The following IGF2 variants were observed in gnomAD, a reference collection of about 807,000 sequenced individuals.
IGF2 encodes insulin-like growth factor 2.
Under a neutral mutation model 12.0 loss-of-function variants are expected in IGF2, and 2 were observed. The ratio of observed to expected loss-of-function variants is 0.17; its 90% confidence interval spans 0.07 to 0.52. The LOEUF is 0.52. Among genes scored for constraint, IGF2 ranks in the 20% least tolerant of loss-of-function variants. IGF2 has a pLI of 0.95. For synonymous variants in IGF2, 105 were observed against 110.1 expected (o/e 0.95, Z 0.29); for missense variants, 211 against 268.0 (o/e 0.79, Z 1.48).
At chr11:2,139,826 A>G (rs1394246998), upstream of IGF2, among the ~76,000 whole-genome samples, 1 of 151,036 alleles carries the variant, frequency 6.6e-6, no homozygotes, top group Non-Finnish European at 1.5e-5. Context: ...CTGAGTGCAG[A>G]TGCAGGTGGC....
rs1481302269 is a variant in IGF2 at position 2,139,229 on chromosome 11, A to T, written c.-1007T>A. 2.7e-5 allele frequency: 4 copies of T among 149,684 alleles called. No homozygotes were observed. The East Asian group carries it at 8.0e-4, about 30-fold the overall frequency. The allele number at this position is 149,684 out of a possible 1,614,324, so 9.3% of individuals were successfully genotyped here. On this transcript the variant is annotated 5_prime_UTR_variant, in exon 1 of 4. Transcript: ENST00000416167. Reference sequence around the variant, plus strand: ...CCCCGCGGACGGCGCCCGGGACGGGAGTCAGCAGCGAGGCAGCGGGCGGCG... The same window carrying T: ...CCCCGCGGACGGCGCCCGGGACGGGTGTCAGCAGCGAGGCAGCGGGCGGCG...
At chr11:2,140,730 GC>G, upstream of IGF2, 1 of 381,968 alleles carries the variant, frequency 2.6e-6, no homozygotes, top group Non-Finnish European at 4.9e-6. Flanking sequence ...CGTGTCCCGC[GC>G]CCCACGCCGG....
intron 1 of IGF2, among the ~76,000 whole-genome samples, chr11:2,137,864 G>C (rs533699477): frequency 6.6e-6 from 1 of 152,074 alleles, no homozygotes; most frequent in Non-Finnish European, 1.5e-5. Context: ...GCCCCTCCTC[G>C]TTACCCAGCA....
chr11:2,137,215 GC>G, intron 1 of IGF2: 1 of 994,842 alleles, frequency 1.0e-6, no homozygotes, highest in South Asian at 4.5e-5. Context: ...GCTCGCTGGG[GC>G]AGGAGGAGGA....
chr11:2,137,517 A>C (rs1859158060), intron 1 of IGF2, among the ~76,000 whole-genome samples: 1 of 144,962 alleles, frequency 6.9e-6, no homozygotes, highest in Admixed American at 6.9e-5. Context: ...TCATCTCTGC[A>C]CAGGGCAGTG....
chr11:2,147,945 C>A, the IGF2 span: 3 of 511,730 alleles, frequency 5.9e-6, no homozygotes, highest in Non-Finnish European at 9.1e-6. The surrounding 1 kb of genome is among the most constrained non-coding windows in gnomAD (Gnocchi z 7.2). Context: ...ATCTGGGCAG[C>A]GGCTTCCCCC....
chr11:2,141,787 T>G (rs1227946763), upstream of IGF2, among the ~76,000 whole-genome samples: 4 of 152,170 alleles, frequency 2.6e-5, no homozygotes, highest in South Asian at 2.1e-4. Context: ...TGTCTAGATT[T>G]TGGGGGAGCC....
the IGF2 span, chr11:2,147,756 G>C: frequency 3.2e-6 from 4 of 1,249,036 alleles, no homozygotes; most frequent in South Asian, 1.6e-4. This position sits in a 1 kb window ranked among gnomAD's most constrained non-coding sequence, Gnocchi z 7.2. Flanking sequence ...CCTGGGGCTG[G>C]GGGCTGGAAT....
chr11:2,138,526 G>T lies in IGF2; in HGVS notation c.-304C>A. 2.8e-6 allele frequency: 2 copies of T among 726,962 alleles called. No homozygotes were observed. Among genetic ancestry groups the T allele is most frequent in the Non-Finnish European group, 3.3e-6 (2 of 609,452 alleles). 45.0% of individuals were successfully genotyped at this position (726,962 alleles called of 1,614,324 possible). A position where few individuals can be genotyped will look rare whatever the true frequency, so the allele number is the denominator to read the frequency against. On this transcript the variant is annotated 5_prime_UTR_variant, in exon 1 of 4. Transcript: ENST00000416167. ...AGCTGTTGTATCAAGGATAGAGGGG[G>T]GCAGAGATAGTGGGAGAGACAGAGT...
intron 1 of IGF2, among the ~76,000 whole-genome samples, chr11:2,136,609 G>C (rs1859076398): frequency 1.3e-5 from 2 of 152,272 alleles, no homozygotes. Context: ...AGACCCAGGG[G>C]AGTTTTTGAT....
chr11:2,136,263 C>A (rs1004775672), intron 1 of IGF2, among the ~76,000 whole-genome samples: 9 of 151,998 alleles, frequency 5.9e-5, no homozygotes, highest in Non-Finnish European at 4.4e-5. Flanking sequence ...TACCCCCAAA[C>A]ACACACACAC....
At chr11:2,149,403 G>GCTCTCCCATCTGT in the IGF2 span, 3 of 1,450,666 alleles carry the variant, frequency 2.1e-6, no homozygotes, top group Non-Finnish European at 2.9e-6. Flanking sequence ...CTACAGATGG[G>GCTCTCCCATCTGT]AGAGCCTCAT....
In IGF2 at chr11:2,132,904, G is replaced by T; in HGVS notation, c.*83C>A. On this transcript the variant is annotated 3_prime_UTR_variant, in exon 4 of 4. Coordinates refer to ENST00000416167, the MANE Select transcript of IGF2 (RefSeq NM_000612.6). ...GGGACGTGGAACCGAGAGATTTTCG[G>T]GATGGAACCTGATGGAAACGTCCGT... 1 of 974,724 alleles carries T rather than the reference G, an allele frequency of 1.0e-6. No individual in the cohort carries two copies. Among genetic ancestry groups the T allele is most frequent in the Non-Finnish European group, 1.5e-6 (1 of 657,990 alleles). 60.4% of individuals were successfully genotyped at this position (974,724 alleles called of 1,614,324 possible).
upstream of IGF2, chr11:2,140,609 C>T (rs976729333): frequency 1.5e-5 from 8 of 517,176 alleles, no homozygotes; most frequent in Non-Finnish European, 7.1e-6. Flanking sequence ...CTTTGGGACC[C>T]TCCAGCCGCT....
At position 2,129,457 on chromosome 11, in the gene IGF2, C is replaced by T. The variant is rs61745039; in HGVS notation, c.*3530G>A. On this transcript the variant is annotated 3_prime_UTR_variant, in exon 4 of 4. Coordinates refer to ENST00000416167, the MANE Select transcript of IGF2 (RefSeq NM_000612.6). This position sits in a 1 kb window ranked among gnomAD's most constrained non-coding sequence, Gnocchi z 8.1. Reference sequence around the variant, plus strand: ...CAGGGGAGAGCTGCAAACCTGGGGACGCAAGGGGCTGGTCGGCAAGTGCCC... The same window carrying T: ...CAGGGGAGAGCTGCAAACCTGGGGATGCAAGGGGCTGGTCGGCAAGTGCCC... 461 of 229,618 alleles carry T rather than the reference C, an allele frequency of 2.0e-3. 4 individuals carry two copies. Among genetic ancestry groups the T allele is most frequent in the African/African-American group, 9.0e-3 (407 of 45,192 alleles). The allele number at this position is 229,618 out of a possible 1,614,324, so 14.2% of individuals were successfully genotyped here.
upstream of IGF2, chr11:2,140,118 C>G (rs1156791415): frequency 1.2e-6 from 2 of 1,610,402 alleles, no homozygotes; most frequent in Admixed American, 1.7e-5. Context: ...GGGCGGGAAA[C>G]ACAGCTCAAA....
chr11:2,138,163 G>A, intron 1 of IGF2, 66 bp downstream of exon 1: 1 of 948,624 alleles, frequency 1.1e-6, no homozygotes, highest in Non-Finnish European at 1.3e-6. Context: ...AGGAAGGGCC[G>A]GGCGTCCGGC....
At chr11:2,146,331 A>G in the IGF2 span, 1 of 536,038 alleles carries the variant, frequency 1.9e-6, no homozygotes, top group Non-Finnish European at 3.8e-6. Context: ...GGGTCCTCAG[A>G]GCGCCCCTCC....
intron 1 of IGF2, among the ~76,000 whole-genome samples, chr11:2,137,499 C>CAGGGCAGTGAAGGCTG (rs1002557467): frequency 6.6e-6 from 1 of 151,518 alleles, no homozygotes; most frequent in Non-Finnish European, 1.5e-5. Context: ...CCATCCTGCA[C>CAGGGCAGTGAAGGCTG]CCCCGGCTCA....
Sources: gnomAD v4.1 joint callset for allele counts (sites outside exome capture counted in the v4.1 genomes callset) on GRCh38, gnomAD v4.1.1 for gene constraint, Gnocchi (gnomAD v3.1) non-coding constraint, MANE v1.5 for transcripts, NCBI Gene and HGNC (gene_info 2026-07-23, HGNC 2026-07-21) for gene names.